The following CCDC91 variants were observed in gnomAD, a reference collection of about 807,000 sequenced individuals.
CCDC91 encodes the protein coiled-coil domain containing 91.
A neutral mutation model predicts 63.2 loss-of-function variants in CCDC91; 48 were observed. That is an observed-to-expected ratio of 0.76 (90% CI 0.60 to 0.97). The LOEUF (loss-of-function observed/expected upper bound fraction) is 0.97, where lower values mean the gene tolerates loss of function less well. Ranked by LOEUF, CCDC91 falls within the 50% of genes least tolerant of loss-of-function variation. The pLI, the probability that CCDC91 is intolerant of heterozygous loss-of-function variation, is 0.00. For missense variants in CCDC91, 500 were observed against 494.6 expected (o/e 1.01, Z -0.10); for synonymous variants, 167 against 165.8 (o/e 1.01, Z -0.06).
At chr12:28,441,411 A>T (rs894092818) in intron 8 of CCDC91, among the ~76,000 whole-genome samples, 1 of 152,112 alleles carries the variant, frequency 6.6e-6, no homozygotes, top group African/African-American at 2.4e-5. Flanking sequence ...TGATTCCTTT[A>T]TTCACAGTAG....
intron 1 of CCDC91, among the ~76,000 whole-genome samples, chr12:28,239,745 G>A (rs979526230): frequency 6.6e-6 from 1 of 152,032 alleles, no homozygotes; most frequent in Non-Finnish European, 1.5e-5. Context: ...CAATGATAAA[G>A]GCTGTTACTT....
chr12:28,194,882 G>A (rs747660549), intron 1 of CCDC91, among the ~76,000 whole-genome samples: 3 of 152,166 alleles, frequency 2.0e-5, no homozygotes, highest in Non-Finnish European at 4.4e-5. Context: ...TGGGTTCGTG[G>A]TCTCGCTGGC....
chr12:28,419,040 C>CT (rs941403794), intron 8 of CCDC91, among the ~76,000 whole-genome samples: 1 of 152,026 alleles, frequency 6.6e-6, no homozygotes, highest in African/African-American at 2.4e-5. Flanking sequence ...TTCATTCACT[C>CT]TTTTTTTGTC....
At chr12:28,349,999 T>G (rs1294949709) in intron 6 of CCDC91, among the ~76,000 whole-genome samples, 2 of 152,362 alleles carry the variant, frequency 1.3e-5, no homozygotes, top group South Asian at 4.1e-4. Flanking sequence ...TTTTGGGTTT[T>G]CTGCAGTATT....
intron 3 of CCDC91, among the ~76,000 whole-genome samples, chr12:28,279,628 C>T (rs191920604): frequency 7.2e-4 from 109 of 152,120 alleles, no homozygotes; most frequent in African/African-American, 2.5e-3. Flanking sequence ...TTTTGGTCCT[C>T]CAGCTCTTTC....
At chr12:28,335,281 ATAT>A (rs1241422062) in intron 6 of CCDC91, among the ~76,000 whole-genome samples, 23 of 135,488 alleles carry the variant, frequency 1.7e-4, no homozygotes, top group Admixed American at 3.2e-4. Flanking sequence ...TATATAATAC[ATAT>A]TATATATAAT....
chr12:28,406,763 A>G (rs1441769689), intron 8 of CCDC91, among the ~76,000 whole-genome samples: 2 of 141,238 alleles, frequency 1.4e-5, no homozygotes, highest in African/African-American at 5.0e-5. Context: ...TAGTTTATGA[A>G]TCATTCATTT....
chr12:28,248,067 G>C (rs1246819639), intron 1 of CCDC91, among the ~76,000 whole-genome samples: 1 of 152,128 alleles, frequency 6.6e-6, no homozygotes, highest in Non-Finnish European at 1.5e-5. Context: ...CCGCGGGTTG[G>C]GGACCCCTGC....
At chr12:28,423,063 T>C (rs1299098200) in intron 8 of CCDC91, among the ~76,000 whole-genome samples, 1 of 152,064 alleles carries the variant, frequency 6.6e-6, no homozygotes, top group African/African-American at 2.4e-5. Context: ...ACAGAAACTC[T>C]AGAGTAGTGA....
intron 1 of CCDC91, among the ~76,000 whole-genome samples, chr12:28,245,531 TTAAA>T (rs1437404638): frequency 1.6e-4 from 24 of 152,246 alleles, no homozygotes; most frequent in South Asian, 8.3e-4. Context: ...AAAAGCTGCC[TTAAA>T]TAAAGTGGAA....
At chr12:28,192,825 A>T (rs1453726405) in intron 1 of CCDC91, among the ~76,000 whole-genome samples, 1 of 152,226 alleles carries the variant, frequency 6.6e-6, no homozygotes, top group Non-Finnish European at 1.5e-5. Context: ...ATATTGCTGT[A>T]TAAAGTCTGA....
At chr12:28,288,403 A>G (rs1210700225) in intron 3 of CCDC91, among the ~76,000 whole-genome samples, 2 of 152,208 alleles carry the variant, frequency 1.3e-5, no homozygotes, top group Admixed American at 6.5e-5. Context: ...AGTTTTTAAC[A>G]TGAAGGAATG....
intron 8 of CCDC91, among the ~76,000 whole-genome samples, chr12:28,419,754 ATT>A (rs34455320): frequency 4.0e-4 from 59 of 146,164 alleles, no homozygotes; most frequent in Non-Finnish European, 4.8e-4. Context: ...TTAAATTATC[ATT>A]TTTTTTTTTT....
intron 1 of CCDC91, among the ~76,000 whole-genome samples, chr12:28,209,780 C>G (rs1250484308): frequency 6.6e-6 from 1 of 152,056 alleles, no homozygotes; most frequent in Non-Finnish European, 1.5e-5. Flanking sequence ...TTAGCTTTAT[C>G]TAATTTTAAA....
intron 7 of CCDC91, among the ~76,000 whole-genome samples, chr12:28,386,105 C>T (rs1002612991): frequency 1.3e-5 from 2 of 152,128 alleles, no homozygotes; most frequent in African/African-American, 4.8e-5. Context: ...AAATTGAGAT[C>T]TCTGGTCGGT....
chr12:28,283,564 G>C (rs1176482602), intron 3 of CCDC91, among the ~76,000 whole-genome samples: 1 of 151,998 alleles, frequency 6.6e-6, no homozygotes, highest in African/African-American at 2.4e-5. Context: ...AAAGTTAATG[G>C]TTGTGTAAAG....
intron 3 of CCDC91, among the ~76,000 whole-genome samples, chr12:28,274,243 G>A (rs1046065259): frequency 1.4e-4 from 22 of 152,262 alleles, no homozygotes; most frequent in African/African-American, 4.8e-4. Flanking sequence ...GGTTACTGTA[G>A]CCTTGGAGTG....
intron 1 of CCDC91, among the ~76,000 whole-genome samples, chr12:28,254,142 G>T (rs1946292832): frequency 6.6e-6 from 1 of 152,176 alleles, no homozygotes; most frequent in Admixed American, 6.5e-5. Flanking sequence ...GACTAGCAAA[G>T]TAGGGAATTA....
At chr12:28,241,600 A>G (rs1344797311) in intron 1 of CCDC91, among the ~76,000 whole-genome samples, 5 of 152,130 alleles carry the variant, frequency 3.3e-5, no homozygotes, top group Non-Finnish European at 7.3e-5. Context: ...GGGGTTTACT[A>G]TTGCAAACAG....
Sources: allele counts gnomAD v4.1 joint callset (sites outside exome capture counted in the v4.1 genomes callset), GRCh38; gene constraint gnomAD v4.1.1; transcripts MANE v1.5; gene names NCBI Gene and HGNC (gene_info 2026-07-23, HGNC 2026-07-21).